Variants in PIK3CG observed in about 807,000 individuals in gnomAD.
PIK3CG encodes the protein phosphatidylinositol 4,5-bisphosphate 3-kinase catalytic subunit gamma isoform.
A neutral mutation model predicts 102.3 loss-of-function variants in PIK3CG; 55 were observed. That is an observed-to-expected ratio of 0.54 (90% confidence interval 0.43 to 0.67). The LOEUF is 0.67. PIK3CG is among the 30% of genes least tolerant of loss of function. The pLI, the probability that PIK3CG is intolerant of heterozygous loss-of-function variation, is 0.00. For missense variants in PIK3CG, 1,258 were observed against 1,391.8 expected (o/e 0.90, Z 1.53); for synonymous variants, 552 against 540.0 (o/e 1.02, Z -0.31).
chr7:106,887,422 A>G (rs1012099062), intron 10 of PIK3CG, among the ~76,000 whole-genome samples: 2 of 152,250 alleles, frequency 1.3e-5, no homozygotes, highest in Non-Finnish European at 1.5e-5. Flanking sequence ...CTTGAGTCCA[A>G]GGTTACCCTT....
At position 106,867,429 on chromosome 7, in the gene PIK3CG, G is replaced by C; in HGVS notation, c.-12-121G>C. The C allele has an allele frequency of 1.2e-6, 1 of 849,654 alleles. No homozygotes were observed. The highest frequency in any genetic ancestry group is 1.8e-6 in the Non-Finnish European group (1 of 541,220). 52.6% of individuals were successfully genotyped at this position (849,654 alleles called of 1,614,324 possible). A position where few individuals can be genotyped will look rare whatever the true frequency, so the allele number is the denominator to read the frequency against. ...GTAGTGCTTCCAGTTTAAAATACTT[G>C]GTCCCTCTGGGTCCCTGTGCACATG... On this transcript the variant is annotated intron_variant, in intron 1 of 10. Coordinates refer to ENST00000496166, the MANE Select transcript of PIK3CG (RefSeq NM_001282426.2). The surrounding 1 kb of genome is among the most constrained non-coding windows in gnomAD (Gnocchi z 5.1).
chr7:106,905,291 G>A lies in PIK3CG; in HGVS notation c.3213G>A (p.Gln1071=), dbSNP rs768891912. 3.1e-6 allele frequency: 5 copies of A among 1,614,022 alleles called. No individual in the cohort carries two copies. The highest frequency in any genetic ancestry group is 4.5e-5 in the East Asian group (2 of 44,878). ...EEDAKKYFLD[Q]IEVCRDKGWT... ...ATGCTAAAAAGTATTTTCTTGATCA[G>A]ATCGAAGTTTGCAGAGACAAAGGAT... Residue 1071 remains glutamine, a synonymous_variant, in exon 11 of 11, where the codon CAG becomes CAA. Transcript: ENST00000496166. This position sits in a 1 kb window ranked among gnomAD's most constrained non-coding sequence, Gnocchi z 5.6.
rs147351417 is a variant in PIK3CG at position 106,903,104 on chromosome 7, A to G, written c.3031-2005A>G. Among the ~76,000 whole-genome samples the G allele has an allele frequency of 2.6e-4, 40 of 152,302 alleles. No individual in the cohort carries two copies. Among genetic ancestry groups the G allele is most frequent in the African/African-American group, 9.6e-4 (40 of 41,562 alleles). ...CACCTGTATTATATATCATATTTAT[A>G]TACTTAAGTATGTCTCTGAACTTTC... is the stretch of plus-strand genomic sequence containing the variant. On this transcript the variant is annotated intron_variant, in intron 10 of 10. Coordinates refer to ENST00000496166, the MANE Select transcript of PIK3CG (RefSeq NM_001282426.2). The surrounding 1 kb of genome is among the most constrained non-coding windows in gnomAD (Gnocchi z 4.3).
intron 1 of PIK3CG, 44 bp downstream of exon 1, chr7:106,865,470 G>T (rs140392095): frequency 6.6e-6 from 1 of 152,220 alleles, no homozygotes; most frequent in Non-Finnish European, 1.5e-5. Context: ...GGTCTGACTC[G>T]GAATAGTGGC....
chr7:106,905,501 G>C lies in PIK3CG; in HGVS notation c.*114G>C. The C allele has an allele frequency of 1.0e-6, 1 of 969,446 alleles. No individual in the cohort carries two copies. The highest frequency in any genetic ancestry group is 1.5e-6 in the Non-Finnish European group (1 of 651,388). The allele number at this position is 969,446 out of a possible 1,614,324, so 60.1% of individuals were successfully genotyped here. A position where few individuals can be genotyped will look rare whatever the true frequency, so the allele number is the denominator to read the frequency against. ...CATTGTGAAAGCTGGCATTTCAGAA[G>C]TATAGCTCTTTTCCTACCTGAACTC... On this transcript the variant is annotated 3_prime_UTR_variant, in exon 11 of 11. Coordinates refer to ENST00000496166, the MANE Select transcript of PIK3CG (RefSeq NM_001282426.2). The surrounding 1 kb of genome is among the most constrained non-coding windows in gnomAD (Gnocchi z 5.6).
Position 106,872,412 on chromosome 7 carries a change from A to T in PIK3CG, c.1996-125A>T. 1.3e-6 allele frequency: 1 copy of T among 764,582 alleles called. No homozygotes were observed. The highest frequency in any genetic ancestry group is 2.2e-6 in the Non-Finnish European group (1 of 445,606). 47.4% of individuals were successfully genotyped at this position (764,582 alleles called of 1,614,324 possible). ...ACAGGATTAAACTTAAGTGACTGTT[A>T]AGATTTTCATCTTTCTAGCCGTGAA... On this transcript the variant is annotated intron_variant, in intron 2 of 10. Coordinates refer to ENST00000496166, the MANE Select transcript of PIK3CG (RefSeq NM_001282426.2). The surrounding 1 kb of genome is among the most constrained non-coding windows in gnomAD (Gnocchi z 5.3).
rs549697816 is a variant in PIK3CG at position 106,872,433 on chromosome 7, G to A, written c.1996-104G>A. On this transcript the variant is annotated intron_variant, in intron 2 of 10. Transcript: ENST00000496166. The surrounding 1 kb of genome is among the most constrained non-coding windows in gnomAD (Gnocchi z 5.3). ...TGTTAAGATTTTCATCTTTCTAGCC[G>A]TGAAGACCCAGTAAAGCAGAGCACC... 2.3e-5 allele frequency: 20 copies of A among 879,646 alleles called. No homozygotes were observed. Among genetic ancestry groups the A allele is most frequent in the African/African-American group, 1.8e-4 (11 of 60,404 alleles). 54.5% of individuals were successfully genotyped at this position (879,646 alleles called of 1,614,324 possible).
In PIK3CG at chr7:106,872,900, A is replaced by C. The variant is rs767791735; in HGVS notation, c.2249A>C (p.Lys750Thr). ...EMLQKVTLDI[K>T]SLSAEKYDVS... is the part of the protein sequence containing the mutation. Reference sequence around the variant, plus strand: ...TTACAAAAAGTCACCCTTGATATTAAATCGCTCTCTGCTGAAAAGTATGAC... The same window carrying C: ...TTACAAAAAGTCACCCTTGATATTACATCGCTCTCTGCTGAAAAGTATGAC... Residue 750 changes from lysine (K) to threonine (T), a missense_variant, in exon 4 of 11, where the codon AAA (lysine) becomes ACA (threonine). This residue lies in a region of PIK3CG where 426 missense variants were observed against 604.2 expected (regional missense o/e 0.71). Transcript: ENST00000496166. The surrounding 1 kb of genome is among the most constrained non-coding windows in gnomAD (Gnocchi z 5.3). The C allele has an allele frequency of 1.9e-6, 3 of 1,614,136 alleles. No individual in the cohort carries two copies. The highest frequency in any genetic ancestry group is 3.3e-5 in the Admixed American group (2 of 60,018).
At position 106,891,967 on chromosome 7, in the gene PIK3CG, C is replaced by T. The variant is rs1049258563; in HGVS notation, c.3030+5675C>T. On this transcript the variant is annotated intron_variant, in intron 10 of 10. Coordinates refer to ENST00000496166, the MANE Select transcript of PIK3CG (RefSeq NM_001282426.2). The surrounding 1 kb of genome is among the most constrained non-coding windows in gnomAD (Gnocchi z 4.4). Reference sequence around the variant, plus strand: ...CAGGAGGTTTTTAAGAACCTTTATTCAACCAGAGTCCATCTCTTCTGTGGT... The same window carrying T: ...CAGGAGGTTTTTAAGAACCTTTATTTAACCAGAGTCCATCTCTTCTGTGGT... Among the ~76,000 whole-genome samples the T allele has an allele frequency of 6.6e-6, 1 of 152,034 alleles. No homozygotes were observed. Among genetic ancestry groups the T allele is most frequent in the African/African-American group, 2.4e-5 (1 of 41,368 alleles).
Position 106,883,323 on chromosome 7 carries a change from C to T in PIK3CG, c.2760+160C>T, listed in dbSNP as rs192057557. On this transcript the variant is annotated intron_variant, in intron 8 of 10. Transcript: ENST00000496166. This position sits in a 1 kb window ranked among gnomAD's most constrained non-coding sequence, Gnocchi z 5.8. ...ATAATGGAGGTTTTAAGTACCCTCCCGTGGTGACAGCATATCTGTGTGAAA... is the reference window on the plus strand; with the variant it reads ...ATAATGGAGGTTTTAAGTACCCTCCTGTGGTGACAGCATATCTGTGTGAAA... 4.1e-4 allele frequency among the ~76,000 whole-genome samples: 63 copies of T among 152,230 alleles called. No individual in the cohort carries two copies. Among genetic ancestry groups the T allele is most frequent in the Admixed American group, 1.9e-3 (29 of 15,288 alleles).
Position 106,874,872 on chromosome 7 carries a change from C to A in PIK3CG, c.2391+69C>A. 2 of 996,500 alleles carry A rather than the reference C, an allele frequency of 2.0e-6. No homozygotes were observed. The highest frequency in any genetic ancestry group is 2.0e-5 in the Admixed American group (1 of 49,936). The allele number at this position is 996,500 out of a possible 1,614,324, so 61.7% of individuals were successfully genotyped here. A position where few individuals can be genotyped will look rare whatever the true frequency, so the allele number is the denominator to read the frequency against. ...AGATGTCTAACGTGCTTGCTGGGGC[C>A]CAGTACTTAAAAGCTAATGTTTATG... On this transcript the variant is annotated intron_variant, in intron 5 of 10. Coordinates refer to ENST00000496166, the MANE Select transcript of PIK3CG (RefSeq NM_001282426.2). This position sits in a 1 kb window ranked among gnomAD's most constrained non-coding sequence, Gnocchi z 4.3.
rs776863655 is a variant in PIK3CG at position 106,868,895 on chromosome 7, C to T, written c.1334C>T (p.Ala445Val). The T allele has an allele frequency of 4.3e-6, 7 of 1,614,094 alleles. No homozygotes were observed. In the African/African-American group the frequency reaches 5.3e-5, roughly 12 times the overall value. The change falls in exon 2 of 11, where the codon GCC becomes GTC. Residue 445 changes from alanine (A) to valine (V), a missense_variant. Ala to Val is a moderately conservative substitution (Grantham distance 64). Transcript: ENST00000496166. The surrounding 1 kb of genome is among the most constrained non-coding windows in gnomAD (Gnocchi z 6.2). ...CGKAPALSSK[A>V]SAESPSSESK... ...AAAGCTCCAGCACTGTCCAGCAAGG[C>T]CTCTGCAGAGTCCCCCAGTTCTGAG...
At position 106,867,988 on chromosome 7, in the gene PIK3CG, C is replaced by T. The variant is rs2116427558; in HGVS notation, c.427C>T (p.Pro143Ser). Residue 143 changes from proline (P) to serine (S), a missense_variant, in exon 2 of 11, where the codon CCC becomes TCC. This residue lies in a region of PIK3CG where 832 missense variants were observed against 787.5 expected (regional missense o/e 1.06). Coordinates refer to ENST00000496166, the MANE Select transcript of PIK3CG (RefSeq NM_001282426.2). This position sits in a 1 kb window ranked among gnomAD's most constrained non-coding sequence, Gnocchi z 5.1. ...GATCCACCTGGTGCAGCGGCACCCG[C>T]CCTCCGAGGAGTCCCAAGCCTTCCA... ...GQIHLVQRHP[P>S]SEESQAFQRQ... 1 of 1,612,220 alleles carries T rather than the reference C, an allele frequency of 6.2e-7. No homozygotes were observed. The highest frequency in any genetic ancestry group is 8.5e-7 in the Non-Finnish European group (1 of 1,179,178).
At chr7:106,888,880 A>T (rs939634065) in intron 10 of PIK3CG, among the ~76,000 whole-genome samples, 1 of 152,208 alleles carries the variant, frequency 6.6e-6, no homozygotes, top group Non-Finnish European at 1.5e-5. Flanking sequence ...CTTTCATAAC[A>T]TCAGTTTCTT....
rs1268393747 is a variant in PIK3CG at position 106,874,038 on chromosome 7, C to G, written c.2288-662C>G. On this transcript the variant is annotated intron_variant, in intron 4 of 10. Transcript: ENST00000496166. The surrounding 1 kb of genome is among the most constrained non-coding windows in gnomAD (Gnocchi z 4.3). ...TGTACTCAACCAGTATTTTAAACTCCTGAATATTTAAAATTTCTTTCTCCC... is the reference window on the plus strand; with the variant it reads ...TGTACTCAACCAGTATTTTAAACTCGTGAATATTTAAAATTTCTTTCTCCC... Among the ~76,000 whole-genome samples the G allele has an allele frequency of 6.6e-6, 1 of 152,096 alleles. No homozygotes were observed. The highest frequency in any genetic ancestry group is 6.5e-5 in the Admixed American group (1 of 15,270).
chr7:106,876,209 C>T (rs555742737), intron 5 of PIK3CG, among the ~76,000 whole-genome samples: 36 of 151,784 alleles, frequency 2.4e-4, no homozygotes, highest in South Asian at 1.7e-3. Context: ...CCACCGCGCC[C>T]GGCCTATCAT....
Position 106,874,869 on chromosome 7 carries a change from G to A in PIK3CG, c.2391+66G>A. Reference sequence around the variant, plus strand: ...TGAAGATGTCTAACGTGCTTGCTGGGGCCCAGTACTTAAAAGCTAATGTTT... The same window carrying A: ...TGAAGATGTCTAACGTGCTTGCTGGAGCCCAGTACTTAAAAGCTAATGTTT... On this transcript the variant is annotated intron_variant, in intron 5 of 10. Coordinates refer to ENST00000496166, the MANE Select transcript of PIK3CG (RefSeq NM_001282426.2). The surrounding 1 kb of genome is among the most constrained non-coding windows in gnomAD (Gnocchi z 4.3). The A allele has an allele frequency of 9.8e-7, 1 of 1,022,006 alleles. No individual in the cohort carries two copies. The highest frequency in any genetic ancestry group is 1.5e-6 in the Non-Finnish European group (1 of 661,544). 63.3% of individuals were successfully genotyped at this position (1,022,006 alleles called of 1,614,324 possible). A position where few individuals can be genotyped will look rare whatever the true frequency, so the allele number is the denominator to read the frequency against.
In PIK3CG at chr7:106,869,417, A is replaced by T. The variant is rs1174160547; in HGVS notation, c.1856A>T (p.Gln619Leu). Residue 619 changes from glutamine (Q) to leucine (L), a missense_variant, in exon 2 of 11, where the codon CAA becomes CTA. Transcript: ENST00000496166. This position sits in a 1 kb window ranked among gnomAD's most constrained non-coding sequence, Gnocchi z 5.3. ...QLLARREVWD[Q>L]SALDVGLTMQ... ...TTGGCCAGAAGGGAAGTCTGGGATCAAAGTGCTTTGGATGTTGGGTTAACA... is the reference window on the plus strand; with the variant it reads ...TTGGCCAGAAGGGAAGTCTGGGATCTAAGTGCTTTGGATGTTGGGTTAACA... 6.2e-7 allele frequency: 1 copy of T among 1,614,262 alleles called. No homozygotes were observed. The highest frequency in any genetic ancestry group is 8.5e-7 in the Non-Finnish European group (1 of 1,180,040).
In PIK3CG at chr7:106,869,044, G is replaced by A. The variant is rs2116456332; in HGVS notation, c.1483G>A (p.Gly495Arg). The part of the protein sequence containing the change: ...WQISGKGEDQ[G>R]SFNADKLTSA... ...GATATCTGGGAAGGGAGAAGACCAA[G>A]GAAGCTTCAATGCTGACAAACTCAC... The change falls in exon 2 of 11, where the codon GGA becomes AGA. Residue 495 changes from glycine (G) to arginine (R), a missense_variant. Coordinates refer to ENST00000496166, the MANE Select transcript of PIK3CG (RefSeq NM_001282426.2). The surrounding 1 kb of genome is among the most constrained non-coding windows in gnomAD (Gnocchi z 5.3). The A allele has an allele frequency of 6.2e-7, 1 of 1,614,184 alleles. No homozygotes were observed. The highest frequency in any genetic ancestry group is 8.5e-7 in the Non-Finnish European group (1 of 1,180,032).
Sources: gnomAD v4.1 joint callset for allele counts (sites outside exome capture counted in the v4.1 genomes callset) on GRCh38, gnomAD v4.1.1 for gene constraint, gnomAD v4.1.1 regional missense constraint, Gnocchi (gnomAD v3.1) non-coding constraint, MANE v1.5 for transcripts, NCBI Gene and HGNC (gene_info 2026-07-23, HGNC 2026-07-21) for gene names.